Variants in MYT1 observed in about 807,000 individuals in gnomAD.
MYT1 encodes the protein myelin transcription factor I.
MYT1 carries 23 observed loss-of-function variants against 123.0 expected under a neutral mutation model. That is an observed-to-expected ratio of 0.19 (90% CI 0.13 to 0.26). The LOEUF is 0.26. MYT1 is among the 10% of genes least tolerant of loss of function. The pLI, the probability that MYT1 is intolerant of heterozygous loss-of-function variation, is 1.00. For missense variants in MYT1, 1,125 were observed against 1,472.5 expected (o/e 0.76, Z 3.86); for synonymous variants, 518 against 575.3 (o/e 0.90, Z 1.43).
rs913033194 is a variant in MYT1 at position 64,212,306 on chromosome 20, C to A, written c.1517+168C>A. ...GGGCACCTGGGTTGGGCCTGTGTGT[C>A]CCTGCCTGGGCCGTGAGCCCGTGAC... On this transcript the variant is annotated intron_variant, in intron 9 of 22. Transcript: ENST00000328439. The surrounding 1 kb of genome is among the most constrained non-coding windows in gnomAD (Gnocchi z 6.8). Among the ~76,000 whole-genome samples, 2 of 152,036 alleles carry A rather than the reference C, an allele frequency of 1.3e-5. No individual in the cohort carries two copies. Among genetic ancestry groups the A allele is most frequent in the African/African-American group, 4.8e-5 (2 of 41,382 alleles).
In MYT1 at chr20:64,205,654, A is replaced by G. The variant is rs1308695525; in HGVS notation, c.251A>G (p.Asp84Gly). 7 of 1,614,204 alleles carry G rather than the reference A, an allele frequency of 4.3e-6. No individual in the cohort carries two copies. The South Asian group carries it at 7.7e-5, about 18-fold the overall frequency. Residue 84 changes from aspartate (D) to glycine (G), a missense_variant, in exon 6 of 23, where the codon GAC becomes GGC. By Grantham distance (94) the Asp-to-Gly change is moderately conservative (BLOSUM62 -1). This residue lies in a region of MYT1 where 406 missense variants were observed against 432.2 expected (regional missense o/e 0.94). Transcript: ENST00000328439. ...RKSHPLKLAL[D>G]EGYGVDSDGS... ...TCACACCCCCTGAAGCTGGCTCTGG[A>G]CGAGGGCTATGGTGTGGACAGCGAC...
At chr20:64,195,541 G>A (rs535807504) in intron 2 of MYT1, among the ~76,000 whole-genome samples, 37 of 151,700 alleles carry the variant, frequency 2.4e-4, no homozygotes, top group Middle Eastern at 3.4e-3. Context: ...GACTACAGGC[G>A]TGCACCACCA....
chr20:64,239,468 C>T (rs971686422), intron 21 of MYT1, among the ~76,000 whole-genome samples: 10 of 152,106 alleles, frequency 6.6e-5, no homozygotes, highest in Non-Finnish European at 1.5e-4. Context: ...ACTTCTCCTG[C>T]ACGGCGGGTT....
At chr20:64,226,624 C>G (rs1984175950) in intron 16 of MYT1, among the ~76,000 whole-genome samples, 1 of 152,236 alleles carries the variant, frequency 6.6e-6, no homozygotes, top group South Asian at 2.1e-4. Flanking sequence ...TCCTCCCACT[C>G]TCTAACATCA....
Position 64,235,455 on chromosome 20 carries a change from G to A in MYT1, c.2898-1100G>A, listed in dbSNP as rs572338982. 1.0e-4 allele frequency among the ~76,000 whole-genome samples: 14 copies of A among 137,950 alleles called. 1 individual carries two copies. Among genetic ancestry groups the A allele is most frequent in the South Asian group, 7.1e-4 (3 of 4,204 alleles). 90.5% of individuals were successfully genotyped at this position (137,950 alleles called of 152,430 possible). A position where few individuals can be genotyped will look rare whatever the true frequency, so the allele number is the denominator to read the frequency against. On this transcript the variant is annotated intron_variant, in intron 19 of 22. Coordinates refer to ENST00000328439, the MANE Select transcript of MYT1 (RefSeq NM_004535.3). ...CATGGTGGGTGACCCTGGGATGGCCGCGGTGGGTGACCCTGGAATGGTCAT... is the reference window on the plus strand; with the variant it reads ...CATGGTGGGTGACCCTGGGATGGCCACGGTGGGTGACCCTGGAATGGTCAT...
intron 16 of MYT1, among the ~76,000 whole-genome samples, chr20:64,224,913 A>G (rs1422277924): frequency 6.6e-6 from 1 of 152,168 alleles, no homozygotes; most frequent in Non-Finnish European, 1.5e-5. Flanking sequence ...GGAGCTTGGC[A>G]CAGTTCGGGC....
At chr20:64,195,401 CTT>C (rs397753483) in intron 2 of MYT1, among the ~76,000 whole-genome samples, 26 of 104,014 alleles carry the variant, frequency 2.5e-4, no homozygotes, top group African/African-American at 8.6e-4. Flanking sequence ...TGTGTGTATA[CTT>C]TTTTTTTTTT....
intron 4 of MYT1, among the ~76,000 whole-genome samples, chr20:64,201,752 G>C (rs1983308451): frequency 6.6e-6 from 1 of 152,206 alleles, no homozygotes; most frequent in Non-Finnish European, 1.5e-5. Flanking sequence ...CTGTCCTGGT[G>C]GGGGCCACAC....
chr20:64,205,098 G>T lies in MYT1; in HGVS notation c.149+1G>T, dbSNP rs750033157. On this transcript the variant is annotated splice_donor_variant, in intron 5 of 22. Coordinates refer to ENST00000328439, the MANE Select transcript of MYT1 (RefSeq NM_004535.3). LOFTEE classifies it high-confidence loss of function. ...GGGGCAAGTACTCCAGGCACCGAAG[G>T]TAAGAGGACCCTTGGATCTCACGGA... 14 of 1,614,038 alleles carry T rather than the reference G, an allele frequency of 8.7e-6. No individual in the cohort carries two copies. The highest frequency in any genetic ancestry group is 1.0e-5 in the Non-Finnish European group (12 of 1,180,016).
At chr20:64,170,995 C>T (rs915099136) in intron 1 of MYT1, among the ~76,000 whole-genome samples, 4 of 149,642 alleles carry the variant, frequency 2.7e-5, no homozygotes, top group African/African-American at 7.4e-5. Flanking sequence ...CTGCAACCTC[C>T]GCCTCCGGGT....
chr20:64,194,395 T>G (rs565305411), intron 2 of MYT1, among the ~76,000 whole-genome samples: 1 of 152,222 alleles, frequency 6.6e-6, no homozygotes, highest in Admixed American at 6.5e-5. Flanking sequence ...GCTCTCTGTT[T>G]CTTGAACTCT....
chr20:64,220,076 C>G, intron 13 of MYT1, 94 bp downstream of exon 13: 1 of 1,401,652 alleles, frequency 7.1e-7, no homozygotes, highest in Non-Finnish European at 9.3e-7. Context: ...GGAAGCTTCT[C>G]CTCACAGGCT....
At chr20:64,198,067 C>T (rs1245899921) in intron 2 of MYT1, among the ~76,000 whole-genome samples, 2 of 151,956 alleles carry the variant, frequency 1.3e-5, no homozygotes, top group South Asian at 2.1e-4. Context: ...GGGCGGATCA[C>T]GAGGTCAGGA....
At chr20:64,214,469 T>C (rs1983780482) in intron 10 of MYT1, among the ~76,000 whole-genome samples, 1 of 152,214 alleles carries the variant, frequency 6.6e-6, no homozygotes, top group Non-Finnish European at 1.5e-5. Flanking sequence ...CCTCCTTCCA[T>C]GTGGCTCTAA....
chr20:64,227,030 C>T (rs932843862), intron 16 of MYT1, among the ~76,000 whole-genome samples: 4 of 152,230 alleles, frequency 2.6e-5, no homozygotes, highest in African/African-American at 4.8e-5. Context: ...TAGTCCAGAC[C>T]GGACCCTACA....
chr20:64,228,117 ATTTT>A, intron 18 of MYT1, 146 bp downstream of exon 18: 1 of 729,228 alleles, frequency 1.4e-6, no homozygotes, highest in Non-Finnish European at 2.3e-6. Context: ...CGTTTCTTTC[ATTTT>A]TATGGAAGCT....
At chr20:64,188,649 C>T (rs1408308657) in intron 1 of MYT1, among the ~76,000 whole-genome samples, 1 of 152,234 alleles carries the variant, frequency 6.6e-6, no homozygotes, top group Non-Finnish European at 1.5e-5. Flanking sequence ...CCCCACATCC[C>T]TGTCACAGAG....
rs1983756187 is a variant in MYT1 at position 64,213,812 on chromosome 20, C to T, written c.1631+165C>T. 6.6e-6 allele frequency among the ~76,000 whole-genome samples: 1 copy of T among 152,162 alleles called. No individual in the cohort carries two copies. Among genetic ancestry groups the T allele is most frequent in the Non-Finnish European group, 1.5e-5 (1 of 68,036 alleles). On this transcript the variant is annotated intron_variant, in intron 10 of 22. Transcript: ENST00000328439. This position sits in a 1 kb window ranked among gnomAD's most constrained non-coding sequence, Gnocchi z 5.6. ...GAGTGTGCACATGCCCCGGGCCCCC[C>T]AGGAGCAGAACTGCGGGGCAGTTTT...
At position 64,208,054 on chromosome 20, in the gene MYT1, A is replaced by AGAGGAGGAGGAGGAAGAG. The variant is rs1168281445; in HGVS notation, c.861_878dup (p.Glu301_Glu306dup). 1 of 1,589,252 alleles carries AGAGGAGGAGGAGGAAGAG rather than the reference A, an allele frequency of 6.3e-7. No individual in the cohort carries two copies. Among genetic ancestry groups the AGAGGAGGAGGAGGAAGAG allele is most frequent in the Non-Finnish European group, 8.6e-7 (1 of 1,165,746 alleles). On this transcript the variant is annotated inframe_insertion, in exon 7 of 23. Transcript: ENST00000328439. The surrounding 1 kb of genome is among the most constrained non-coding windows in gnomAD (Gnocchi z 5.4). Reference sequence around the variant, plus strand: ...AAGAGGAAGAGGAGGAGGAAGAGGAAGAGGAGGAGGAGGAAGAGGAAGAGG... The same window carrying AGAGGAGGAGGAGGAAGAG: ...AAGAGGAAGAGGAGGAGGAAGAGGAAGAGGAGGAGGAGGAAGAGGAGGAGGAGGAGGAAGAGGAAGAGG...
Sources: allele counts gnomAD v4.1 joint callset (sites outside exome capture counted in the v4.1 genomes callset), GRCh38; gene constraint gnomAD v4.1.1; regional missense constraint gnomAD v4.1.1; non-coding constraint Gnocchi (gnomAD v3.1); transcripts MANE v1.5; gene names NCBI Gene and HGNC (gene_info 2026-07-23, HGNC 2026-07-21).